ACCSL: variants seen among roughly 807,000 people sequenced by gnomAD.
The protein encoded by ACCSL is probable inactive 1-aminocyclopropane-1-carboxylate synthase-like protein 2.
Under a neutral mutation model 61.7 loss-of-function variants are expected in ACCSL, and 55 were observed. The observed-to-expected ratio is 0.89, with a 90% CI of 0.72 to 1.12. ACCSL has a LOEUF of 1.12. Among genes scored for constraint, ACCSL ranks in the 50% most tolerant of loss-of-function variants. The pLI is 0.00. For synonymous variants in ACCSL, 258 were observed against 264.3 expected (o/e 0.98, Z 0.23); for missense variants, 632 against 698.0 (o/e 0.91, Z 1.07).
the ACCSL span, among the ~76,000 whole-genome samples, chr11:43,980,222 G>A: frequency 1.3e-5 from 2 of 152,098 alleles, no homozygotes; most frequent in African/African-American, 4.8e-5. Context: ...ACCATCATTT[G>A]TGTTGTTGTA....
chr11:44,044,945 T>G (rs1009243943), upstream of ACCSL, among the ~76,000 whole-genome samples: 4 of 152,012 alleles, frequency 2.6e-5, no homozygotes, highest in African/African-American at 9.7e-5. Context: ...AAACCAATGG[T>G]ATAGCCAAGG....
chr11:43,949,829 AAC>A, the ACCSL span, among the ~76,000 whole-genome samples: 67 of 35,588 alleles, frequency 1.9e-3, 1 homozygote, highest in African/African-American at 5.7e-3. Flanking sequence ...AAAACAAACA[AAC>A]AACAACAACA....
chr11:44,053,561 CT>C, intron 8 of ACCSL, 55 bp downstream of exon 8: 1 of 1,516,534 alleles, frequency 6.6e-7, no homozygotes, highest in Non-Finnish European at 9.1e-7. Flanking sequence ...ATTCCCATCA[CT>C]TATAGTCAAG....
chr11:44,017,369 A>G, the ACCSL span, among the ~76,000 whole-genome samples: 39 of 152,328 alleles, frequency 2.6e-4, 1 homozygote, highest in African/African-American at 8.9e-4. Flanking sequence ...CACCAGGGGC[A>G]TTCACATTGT....
chr11:43,996,843 C>T, the ACCSL span, among the ~76,000 whole-genome samples: 20 of 150,044 alleles, frequency 1.3e-4, no homozygotes, highest in South Asian at 4.2e-4. Context: ...GGCAAAGTCT[C>T]GCTCTGTCAC....
the ACCSL span, among the ~76,000 whole-genome samples, chr11:44,008,508 C>T: frequency 6.6e-6 from 1 of 152,232 alleles, no homozygotes; most frequent in East Asian, 1.9e-4. Flanking sequence ...CAGGACTCAT[C>T]CAAATCTCAT....
At chr11:44,034,972 A>T in the ACCSL span, among the ~76,000 whole-genome samples, 1 of 152,154 alleles carries the variant, frequency 6.6e-6, no homozygotes, top group Non-Finnish European at 1.5e-5. Flanking sequence ...AGGTTTATGA[A>T]ATCTTGCAGA....
the ACCSL span, among the ~76,000 whole-genome samples, chr11:43,925,985 G>T: frequency 5.3e-5 from 8 of 152,338 alleles, no homozygotes; most frequent in South Asian, 6.2e-4. Flanking sequence ...CGGTCCTTCT[G>T]TGGCTGACGG....
chr11:44,011,159 A>G, the ACCSL span, among the ~76,000 whole-genome samples: 1 of 152,008 alleles, frequency 6.6e-6, no homozygotes, highest in African/African-American at 2.4e-5. Context: ...TATGTCTCCC[A>G]TCTCCCCTGC....
chr11:44,045,452 C>T (rs1043594276), upstream of ACCSL, among the ~76,000 whole-genome samples: 1 of 151,392 alleles, frequency 6.6e-6, no homozygotes, highest in Non-Finnish European at 1.5e-5. Context: ...AAACAAACAA[C>T]CCCCCCCACA....
chr11:43,966,003 C>T, the ACCSL span, among the ~76,000 whole-genome samples: 1 of 152,134 alleles, frequency 6.6e-6, no homozygotes, highest in Non-Finnish European at 1.5e-5. Context: ...AGCCGTAAAA[C>T]TCCTGCAAGA....
In ACCSL at chr11:44,048,382, C is replaced by G. The variant is rs1260930742; in HGVS notation, c.346C>G (p.Gln116Glu). ...RYGQRAQLSG[Q>E]PDPVPQLSDC... ...TGGGCAGAGGGCCCAACTCTCTGGG[C>G]AGCCTGATCCAGTTCCCCAACTGAG... is the stretch of plus-strand genomic sequence containing the variant. The change falls in exon 1 of 14, where the codon CAG becomes GAG. Residue 116 changes from glutamine to glutamate, a missense_variant. Physicochemically the swap from Gln to Glu is conservative, Grantham distance 29. Coordinates refer to ENST00000378832, the MANE Select transcript of ACCSL (RefSeq NM_001031854.2). The G allele has an allele frequency of 1.9e-6, 3 of 1,614,070 alleles. No homozygotes were observed. In the African/African-American group the frequency reaches 4.0e-5, roughly 22 times the overall value.
chr11:44,054,189 G>C (rs1952656917), intron 8 of ACCSL, among the ~76,000 whole-genome samples: 1 of 152,222 alleles, frequency 6.6e-6, no homozygotes, highest in African/African-American at 2.4e-5. Flanking sequence ...ATGAAGACGT[G>C]TTCCTATAGA....
chr11:43,928,892 A>G, the ACCSL span, among the ~76,000 whole-genome samples: 17 of 152,338 alleles, frequency 1.1e-4, no homozygotes, highest in African/African-American at 3.6e-4. Flanking sequence ...AACACAAGGT[A>G]GGAGAGGCAG....
At chr11:43,991,676 C>A in the ACCSL span, among the ~76,000 whole-genome samples, 1 of 152,168 alleles carries the variant, frequency 6.6e-6, no homozygotes, top group African/African-American at 2.4e-5. Flanking sequence ...TGCCTGTAGT[C>A]CCAGCTACTC....
chr11:43,937,906 C>A, the ACCSL span, among the ~76,000 whole-genome samples: 1 of 152,190 alleles, frequency 6.6e-6, no homozygotes, highest in Non-Finnish European at 1.5e-5. Flanking sequence ...GGGACTCGGA[C>A]TAATGATGGT....
chr11:43,984,137 T>G, the ACCSL span, among the ~76,000 whole-genome samples: 1 of 151,988 alleles, frequency 6.6e-6, no homozygotes, highest in Admixed American at 6.6e-5. Flanking sequence ...AAAACTGCCT[T>G]GCAAAGACGC....
the ACCSL span, among the ~76,000 whole-genome samples, chr11:44,009,503 C>T: frequency 0.081 from 12,385 of 152,200 alleles, 542 homozygotes; most frequent in African/African-American, 0.11. Flanking sequence ...CAGTGGCTCA[C>T]GCCCATAATC....
Position 44,048,241 on chromosome 11 carries a change from G to A in ACCSL, c.205G>A (p.Ala69Thr). The change falls in exon 1 of 14, where the codon GCC becomes ACC. Residue 69 changes from alanine to threonine, a missense_variant. Physicochemically the swap from Ala to Thr is moderately conservative, Grantham distance 58 (BLOSUM62 0). Coordinates refer to ENST00000378832, the MANE Select transcript of ACCSL (RefSeq NM_001031854.2). ...CACTGAGGCCATCTGTGAGCATGAA[G>A]CCCTTCTGAGTCGCTTAATATGCCG... ...RHTEAICEHEALLSRLICRMI... is the reference protein window; with the variant it reads ...RHTEAICEHETLLSRLICRMI... 1 of 1,614,182 alleles carries A rather than the reference G, an allele frequency of 6.2e-7. No homozygotes were observed. Among genetic ancestry groups the A allele is most frequent in the Admixed American group, 1.7e-5 (1 of 60,026 alleles).
Sources: allele counts gnomAD v4.1 joint callset (sites outside exome capture counted in the v4.1 genomes callset), GRCh38; gene constraint gnomAD v4.1.1; transcripts MANE v1.5; gene names NCBI Gene and HGNC (gene_info 2026-07-23, HGNC 2026-07-21).